The following PCGF5 variants were observed in gnomAD, a reference collection of about 807,000 sequenced individuals.
PCGF5 encodes polycomb group RING finger protein 5.
PCGF5 carries 9 observed loss-of-function variants against 44.3 expected under a neutral mutation model. The observed-to-expected ratio is 0.20, with a 90% confidence interval of 0.12 to 0.35. PCGF5 has a LOEUF of 0.35. Among genes scored for constraint, PCGF5 ranks in the 10% least tolerant of loss-of-function variants. The pLI is 1.00. For missense variants in PCGF5, 146 were observed against 305.3 expected (o/e 0.48, Z 3.89); for synonymous variants, 95 against 102.5 (o/e 0.93, Z 0.44).
At chr10:91,174,043 T>C (rs904831532) in intron 1 of PCGF5, among the ~76,000 whole-genome samples, 7 of 151,700 alleles carry the variant, frequency 4.6e-5, no homozygotes, top group African/African-American at 1.7e-4. Context: ...ACTGCATTTT[T>C]TTAATGCAAT....
At chr10:91,197,017 C>CA (rs201651893) in intron 1 of PCGF5, among the ~76,000 whole-genome samples, 1,600 of 151,888 alleles carry the variant, frequency 0.011, 33 homozygotes, top group African/African-American at 0.036. Context: ...ACAACAACAA[C>CA]AAAAAAAACA....
rs781558423 is a variant in PCGF5, at chr10:91,264,515, G to A, written c.658G>A (p.Glu220Lys). The change falls in exon 8 of 10, where the codon GAA becomes AAA. Residue 220 changes from glutamate to lysine, a missense_variant. Physicochemically the swap from Glu to Lys is moderately conservative, Grantham distance 56 (BLOSUM62 1). Around this residue, in one of 3 missense-constraint regions of PCGF5, gnomAD observed 123 missense variants for 268.6 expected, o/e 0.46. Transcript: ENST00000336126. ...IYMTRWRLRGENFRCLNCSAS... is the reference protein window; with the variant it reads ...IYMTRWRLRGKNFRCLNCSAS... The stretch of plus-strand genomic sequence containing the variant: ...CATGACAAGATGGCGACTAAGAGGC[G>A]AAAACGTAAATTGCTTTTATATTTA... 7.5e-6 allele frequency: 12 copies of A among 1,606,440 alleles called. No homozygotes were observed. The highest frequency in any genetic ancestry group is 2.2e-5 in the East Asian group (1 of 44,706).
chr10:91,265,302 C>T (rs1232658278), intron 8 of PCGF5, among the ~76,000 whole-genome samples: 1 of 152,010 alleles, frequency 6.6e-6, no homozygotes, highest in Non-Finnish European at 1.5e-5. Flanking sequence ...TTGTAGGACT[C>T]ATATATGACA....
intron 1 of PCGF5, among the ~76,000 whole-genome samples, chr10:91,193,117 C>T (rs766516826): frequency 1.1e-4 from 16 of 151,990 alleles, no homozygotes; most frequent in Non-Finnish European, 2.2e-4. Flanking sequence ...GCATGGCAAA[C>T]GCAAGAAGGA....
At chr10:91,243,302 T>C (rs1243687371) in intron 3 of PCGF5, among the ~76,000 whole-genome samples, 1 of 152,140 alleles carries the variant, frequency 6.6e-6, no homozygotes, top group East Asian at 1.9e-4. Context: ...TGTGGTGGGT[T>C]TTGAAATGCT....
chr10:91,260,998 T>A (rs1564654061), intron 6 of PCGF5, among the ~76,000 whole-genome samples: 1 of 151,460 alleles, frequency 6.6e-6, no homozygotes, highest in African/African-American at 2.4e-5. Context: ...ATAAAAAATA[T>A]ATATATTTTT....
In PCGF5 at chr10:91,224,951, T is replaced by G. The variant is rs141706758; in HGVS notation, c.112+1968T>G. ...TCCACAGTGTGTTTTGTTTTGCTTC[T>G]TTGAACATTTGTTCATTGTTTTTAA... On this transcript the variant is annotated intron_variant, in intron 2 of 9. Coordinates refer to ENST00000336126, the MANE Select transcript of PCGF5 (RefSeq NM_032373.5). 1.6e-3 allele frequency among the ~76,000 whole-genome samples: 243 copies of G among 152,268 alleles called. 1 individual carries two copies. Among genetic ancestry groups the G allele is most frequent in the African/African-American group, 5.7e-3 (238 of 41,560 alleles).
At chr10:91,165,445 C>G (rs923683581) in intron 1 of PCGF5, among the ~76,000 whole-genome samples, 1 of 152,178 alleles carries the variant, frequency 6.6e-6, no homozygotes, top group African/African-American at 2.4e-5. Flanking sequence ...TGGAAAACAG[C>G]CTGAAGTTTA....
chr10:91,227,324 C>G (rs746061798), intron 2 of PCGF5: 1 of 981,790 alleles, frequency 1.0e-6, no homozygotes, highest in East Asian at 6.0e-5. Context: ...TTGGCTTACG[C>G]TTTTCTTCTT....
At position 91,212,006 on chromosome 10, in the gene PCGF5, A is replaced by T. The variant is rs141924056; in HGVS notation, c.-183-10683A>T. The stretch of plus-strand genomic sequence containing the variant: ...AGCGGTGTGATACTGGTTGTTGCAC[A>T]AACTCTCTGTACCATGGTTTCCTCA... On this transcript the variant is annotated intron_variant, in intron 1 of 9. Coordinates refer to the PCGF5 transcript ENST00000614189. Among the ~76,000 whole-genome samples, 645 of 152,348 alleles carry T rather than the reference A, an allele frequency of 4.2e-3. 5 individuals are homozygous for T. The highest frequency in any genetic ancestry group is 0.015 in the African/African-American group (610 of 41,578).
chr10:91,247,256 A>G (rs1845491001), intron 3 of PCGF5, among the ~76,000 whole-genome samples: 1 of 152,092 alleles, frequency 6.6e-6, no homozygotes. Flanking sequence ...GCTGCAGAGC[A>G]ATATAGAAGA....
At chr10:91,205,353 G>T (rs1844327356) in intron 1 of PCGF5, among the ~76,000 whole-genome samples, 1 of 151,888 alleles carries the variant, frequency 6.6e-6, no homozygotes, top group Non-Finnish European at 1.5e-5. Flanking sequence ...CCCTTCCCCA[G>T]GTCAGACGTG....
At chr10:91,204,995 CA>C (rs1402947286) in intron 1 of PCGF5, among the ~76,000 whole-genome samples, 1 of 152,114 alleles carries the variant, frequency 6.6e-6, no homozygotes, top group African/African-American at 2.4e-5. Flanking sequence ...AACTATCTAG[CA>C]AATTTGTAAT....
intron 1 of PCGF5, among the ~76,000 whole-genome samples, chr10:91,214,998 A>G (rs1844516846): frequency 2.0e-5 from 3 of 152,242 alleles, no homozygotes; most frequent in Admixed American, 2.0e-4. Context: ...AGGATTAAAG[A>G]ATCAATGGTT....
chr10:91,202,468 G>A (rs1844270402), intron 1 of PCGF5, among the ~76,000 whole-genome samples: 1 of 152,184 alleles, frequency 6.6e-6, no homozygotes, highest in African/African-American at 2.4e-5. Context: ...GTAGTTAACA[G>A]GATTGTTGTG....
At chr10:91,269,861 A>T (rs1239690016) in intron 8 of PCGF5, among the ~76,000 whole-genome samples, 1 of 152,034 alleles carries the variant, frequency 6.6e-6, no homozygotes, top group Non-Finnish European at 1.5e-5. Flanking sequence ...AATGACTTCT[A>T]GGATCTCTTT....
rs1323844410 is a variant in PCGF5 at position 91,279,032 on chromosome 10, A to C, written c.*716A>C. The C allele has an allele frequency of 6.6e-6, 1 of 152,588 alleles. No individual in the cohort carries two copies. Among genetic ancestry groups the C allele is most frequent in the African/African-American group, 2.4e-5 (1 of 41,444 alleles). 9.5% of individuals were successfully genotyped at this position (152,588 alleles called of 1,614,324 possible). A position where few individuals can be genotyped will look rare whatever the true frequency, so the allele number is the denominator to read the frequency against. ...GAAGTTAGATTCCCAACCATTCAAA[A>C]TGTTGGCAGCTGATCACATTTACTT... On this transcript the variant is annotated 3_prime_UTR_variant, in exon 10 of 10. Coordinates refer to ENST00000336126, the MANE Select transcript of PCGF5 (RefSeq NM_032373.5).
At chr10:91,174,615 T>G (rs1843669174) in intron 1 of PCGF5, among the ~76,000 whole-genome samples, 1 of 152,336 alleles carries the variant, frequency 6.6e-6, no homozygotes, top group Middle Eastern at 3.4e-3. Context: ...AGATTAAAAG[T>G]CTTGTGGCAT....
chr10:91,184,697 A>G (rs1171106543), intron 1 of PCGF5, among the ~76,000 whole-genome samples: 1 of 149,308 alleles, frequency 6.7e-6, no homozygotes, highest in Non-Finnish European at 1.5e-5. Context: ...GGGCTTATCT[A>G]CCTTCAGTAT....
Sources: allele counts gnomAD v4.1 joint callset (sites outside exome capture counted in the v4.1 genomes callset), GRCh38; gene constraint gnomAD v4.1.1; regional missense constraint gnomAD v4.1.1; transcripts MANE v1.5; gene names NCBI Gene and HGNC (gene_info 2026-07-23, HGNC 2026-07-21).